Variants in HS3ST4 observed in about 807,000 individuals in gnomAD.
HS3ST4 encodes heparan sulfate-glucosamine 3-sulfotransferase 4.
A neutral mutation model predicts 29.2 loss-of-function variants in HS3ST4; 17 were observed. The ratio of observed to expected loss-of-function variants is 0.58; its 90% CI spans 0.40 to 0.87. The LOEUF is 0.87. Ranked by LOEUF, HS3ST4 falls within the 40% of genes least tolerant of loss-of-function variation. The probability of loss-of-function intolerance (pLI) is 0.00; values close to 1 mark genes in which losing one functional copy is unlikely to be tolerated. For missense variants in HS3ST4, 627 were observed against 634.5 expected (o/e 0.99, Z 0.13); for synonymous variants, 314 against 285.7 (o/e 1.10, Z -1.00).
intron 1 of HS3ST4, among the ~76,000 whole-genome samples, chr16:25,750,541 A>G (rs1443890377): frequency 6.6e-6 from 1 of 152,194 alleles, no homozygotes; most frequent in African/African-American, 2.4e-5. Context: ...TTACTCCATC[A>G]AGAGTACAGT....
chr16:25,739,569 A>G (rs1966637942), intron 1 of HS3ST4, among the ~76,000 whole-genome samples: 1 of 152,208 alleles, frequency 6.6e-6, no homozygotes, highest in Non-Finnish European at 1.5e-5. Flanking sequence ...GGCTGTCATC[A>G]TGACTATATG....
chr16:25,993,530 A>G (rs1266759680), intron 1 of HS3ST4, among the ~76,000 whole-genome samples: 1 of 151,972 alleles, frequency 6.6e-6, no homozygotes, highest in Non-Finnish European at 1.5e-5. Context: ...AAAAGACTGG[A>G]ATTCCTATCT....
At chr16:25,809,336 T>C (rs1164635354) in intron 1 of HS3ST4, among the ~76,000 whole-genome samples, 1 of 152,198 alleles carries the variant, frequency 6.6e-6, no homozygotes, top group Non-Finnish European at 1.5e-5. Context: ...CTTGCTGATA[T>C]AGTGGATTAC....
chr16:26,086,566 G>T (rs1158319436), intron 1 of HS3ST4, among the ~76,000 whole-genome samples: 1 of 151,934 alleles, frequency 6.6e-6, no homozygotes, highest in Non-Finnish European at 1.5e-5. Flanking sequence ...AGCCAGGATG[G>T]TCTTGATCTC....
intron 1 of HS3ST4, among the ~76,000 whole-genome samples, chr16:25,795,604 C>A (rs918144937): frequency 7.2e-5 from 11 of 152,120 alleles, no homozygotes; most frequent in Non-Finnish European, 1.3e-4. Context: ...CCCATTGATG[C>A]TACTTTTTGA....
chr16:25,728,943 T>A (rs1236946126), intron 1 of HS3ST4, among the ~76,000 whole-genome samples: 1 of 151,034 alleles, frequency 6.6e-6, no homozygotes, highest in East Asian at 1.9e-4. Context: ...ATTAGCTGAG[T>A]ATGGTGGCCT....
At chr16:25,721,980 T>G (rs1373118195) in intron 1 of HS3ST4, among the ~76,000 whole-genome samples, 1 of 152,206 alleles carries the variant, frequency 6.6e-6, no homozygotes, top group Non-Finnish European at 1.5e-5. Context: ...ATCTTCCTGC[T>G]CAACTGTGAC....
chr16:26,071,869 A>T (rs183619503), intron 1 of HS3ST4, among the ~76,000 whole-genome samples: 1 of 152,272 alleles, frequency 6.6e-6, no homozygotes, highest in Admixed American at 6.5e-5. Context: ...TCTACCTGTC[A>T]TGTTAGCATA....
Position 25,692,921 on chromosome 16 carries a change from C to A in HS3ST4, c.504C>A (p.Asp168Glu), listed in dbSNP as rs942537243. 5.0e-6 allele frequency: 8 copies of A among 1,603,392 alleles called. No individual in the cohort carries two copies. The highest frequency in any genetic ancestry group is 1.7e-5 in the Admixed American group (1 of 58,598). The change falls in exon 1 of 2, where the codon GAC becomes GAA. Residue 168 changes from aspartate to glutamate, a missense_variant. Transcript: ENST00000331351. ...EREAQESSTT[D>E]EDLAGRRAAN... ...AAGCGCAGGAGTCCAGCACCACCGA[C>A]GAGGATCTCGCAGGCCGGAGAGCGG...
At chr16:26,011,427 G>C (rs1383051290) in intron 1 of HS3ST4, among the ~76,000 whole-genome samples, 1 of 152,138 alleles carries the variant, frequency 6.6e-6, no homozygotes, top group East Asian at 1.9e-4. Context: ...AGGCGTGGTG[G>C]CACACATCTG....
At chr16:25,705,140 G>A (rs575182589) in intron 1 of HS3ST4, among the ~76,000 whole-genome samples, 1 of 152,248 alleles carries the variant, frequency 6.6e-6, no homozygotes, top group South Asian at 2.1e-4. Flanking sequence ...TTCTCTGGAT[G>A]TATTATCAAA....
At chr16:25,954,733 C>G (rs1303742892) in intron 1 of HS3ST4, among the ~76,000 whole-genome samples, 1 of 152,098 alleles carries the variant, frequency 6.6e-6, no homozygotes, top group Non-Finnish European at 1.5e-5. Flanking sequence ...GGGAAGTGCT[C>G]TTTGGAGCAT....
Position 25,883,029 on chromosome 16 carries a change from C to T in HS3ST4, c.734+189878C>T, listed in dbSNP as rs564091932. Reference sequence around the variant, plus strand: ...ATGTGAAAAGAAGCTCCCCTTTACCCTCCTCTCTGTATTTTTATTATTATC... The same window carrying T: ...ATGTGAAAAGAAGCTCCCCTTTACCTTCCTCTCTGTATTTTTATTATTATC... On this transcript the variant is annotated intron_variant, in intron 1 of 1. Transcript: ENST00000331351. Among the ~76,000 whole-genome samples the T allele has an allele frequency of 1.1e-3, 165 of 152,184 alleles. 2 individuals are homozygous for T. The highest frequency in any genetic ancestry group is 1.4e-3 in the Admixed American group (22 of 15,278).
In HS3ST4 at chr16:26,135,964, G is replaced by C. The variant is rs1898278212; in HGVS notation, c.1087G>C (p.Asp363His). The change falls in exon 2 of 2, where the codon GAC becomes CAC. Residue 363 changes from aspartate (D) to histidine (H), a missense_variant. Physicochemically the swap from Asp to His is moderately conservative, Grantham distance 81 (BLOSUM62 -1). Around this residue, in one of 2 missense-constraint regions of HS3ST4, gnomAD observed 225 missense variants for 293.7 expected, o/e 0.77. Coordinates refer to ENST00000331351, the MANE Select transcript of HS3ST4 (RefSeq NM_006040.3). ...TGTCAGTGGTGAGCGACTCATTGTG[G>C]ACCCCGCCGGGGAAATGGCCAAAGT... Reference protein sequence around the residue: ...LFVSGERLIVDPAGEMAKVQD... With the variant: ...LFVSGERLIVHPAGEMAKVQD... 1 of 1,613,980 alleles carries C rather than the reference G, an allele frequency of 6.2e-7. No individual in the cohort carries two copies. The highest frequency in any genetic ancestry group is 1.3e-5 in the African/African-American group (1 of 75,034).
intron 1 of HS3ST4, among the ~76,000 whole-genome samples, chr16:25,761,820 C>T (rs1435741816): frequency 6.6e-6 from 1 of 152,216 alleles, no homozygotes; most frequent in East Asian, 1.9e-4. Flanking sequence ...CAGCTACACA[C>T]TCTTTCTATA....
chr16:25,720,396 T>C (rs1176821473), intron 1 of HS3ST4, among the ~76,000 whole-genome samples: 1 of 152,050 alleles, frequency 6.6e-6, no homozygotes, highest in African/African-American at 2.4e-5. Flanking sequence ...ATACATGATA[T>C]GATATATGCA....
chr16:26,120,670 C>T (rs530419088), intron 1 of HS3ST4, among the ~76,000 whole-genome samples: 18 of 152,324 alleles, frequency 1.2e-4, no homozygotes, highest in South Asian at 8.3e-4. Context: ...TGTTGACTGA[C>T]GTGTTTTACA....
At chr16:26,126,742 T>C (rs1444441621) in intron 1 of HS3ST4, among the ~76,000 whole-genome samples, 1 of 152,102 alleles carries the variant, frequency 6.6e-6, no homozygotes, top group Non-Finnish European at 1.5e-5. Context: ...ATCTGGCGGG[T>C]AGAGACCAGG....
chr16:25,789,019 T>G (rs1340959788), intron 1 of HS3ST4, among the ~76,000 whole-genome samples: 2 of 152,164 alleles, frequency 1.3e-5, no homozygotes, highest in Non-Finnish European at 2.9e-5. Flanking sequence ...TATGTGCATT[T>G]CTTTATCAAT....
Sources: allele counts gnomAD v4.1 joint callset (sites outside exome capture counted in the v4.1 genomes callset), GRCh38; gene constraint gnomAD v4.1.1; regional missense constraint gnomAD v4.1.1; transcripts MANE v1.5; gene names NCBI Gene and HGNC (gene_info 2026-07-23, HGNC 2026-07-21).